The following EFCAB13 variants were observed in gnomAD, a reference collection of about 807,000 sequenced individuals.
EFCAB13 encodes the protein EF-hand calcium-binding domain-containing protein 13.
Under a neutral mutation model 110.2 loss-of-function variants are expected in EFCAB13, and 91 were observed. The ratio of observed to expected loss-of-function variants is 0.83; its 90% confidence interval spans 0.70 to 0.98. EFCAB13 has a LOEUF of 0.98. Ranked by LOEUF, EFCAB13 falls within the 50% of genes least tolerant of loss-of-function variation. The pLI, the probability that EFCAB13 is intolerant of heterozygous loss-of-function variation, is 0.00. For synonymous variants in EFCAB13, 323 were observed against 369.9 expected (o/e 0.87, Z 1.45); for missense variants, 968 against 1,119.4 (o/e 0.86, Z 1.93).
intron 16 of EFCAB13, among the ~76,000 whole-genome samples, chr17:47,395,496 A>G (rs2065732177): frequency 6.6e-6 from 1 of 152,228 alleles, no homozygotes; most frequent in South Asian, 2.1e-4. Flanking sequence ...AGGGAGAGAT[A>G]TAGAACAAAA....
intron 23 of EFCAB13, among the ~76,000 whole-genome samples, chr17:47,417,027 G>A (rs1055832417): frequency 3.3e-5 from 5 of 152,152 alleles, no homozygotes; most frequent in South Asian, 2.1e-4. Context: ...ACTGTTGAGT[G>A]GAAGCCTTAT....
intron 9 of EFCAB13, among the ~76,000 whole-genome samples, chr17:47,354,775 G>C (rs778306781): frequency 3.7e-4 from 56 of 152,142 alleles, no homozygotes; most frequent in African/African-American, 1.4e-3. Flanking sequence ...AGTGTCAAGT[G>C]AGTCTCTTGA....
At chr17:47,421,180 A>G (rs1904690928) in intron 23 of EFCAB13, among the ~76,000 whole-genome samples, 2 of 151,936 alleles carry the variant, frequency 1.3e-5, no homozygotes. Context: ...CATGATGACA[A>G]TGGCGGTTTT....
Position 47,440,477 on chromosome 17 carries a change from T to C in EFCAB13, c.2685T>C (p.Asp895=), listed in dbSNP as rs1905299016. 2.5e-6 allele frequency: 4 copies of C among 1,609,080 alleles called. No homozygotes were observed. The African/African-American group carries it at 4.0e-5, about 16-fold the overall frequency. The change falls in exon 25 of 25, where the codon GAT becomes GAC. Residue 895 remains aspartate, a synonymous_variant. Coordinates refer to ENST00000331493, the MANE Select transcript of EFCAB13 (RefSeq NM_152347.5). ...SIQEFMTKLS[D]ILTIPKAAGK... ...AAGAATTTATGACTAAATTATCCGA[T>C]ATATTGACAATTCCTAAAGCTGCAG...
intron 3 of EFCAB13, among the ~76,000 whole-genome samples, chr17:47,327,695 T>C (rs2065294740): frequency 6.6e-6 from 1 of 152,178 alleles, no homozygotes; most frequent in African/African-American, 2.4e-5. Context: ...GACCTCATGA[T>C]CCGCCCACCT....
At chr17:47,402,395 C>G (rs758256239) in intron 18 of EFCAB13, among the ~76,000 whole-genome samples, 192 bp downstream of exon 18, 4 of 152,152 alleles carry the variant, frequency 2.6e-5, no homozygotes, top group Non-Finnish European at 4.4e-5. Flanking sequence ...CAGAATGTAT[C>G]CTTCATTACT....
chr17:47,440,417 G>GCTTT lies in EFCAB13; in HGVS notation c.2639-13_2639-10dup. On this transcript the variant is annotated splice_polypyrimidine_tract_variant and intron_variant, in intron 24 of 24. Coordinates refer to ENST00000331493, the MANE Select transcript of EFCAB13 (RefSeq NM_152347.5). The stretch of plus-strand genomic sequence containing the variant: ...TAATTCTTTCTTTTAAGTAAATTAT[G>GCTTT]CTTTGCCTTACAGAAAGTGGCAAGG... 1 of 1,550,296 alleles carries GCTTT rather than the reference G, an allele frequency of 6.5e-7. No individual in the cohort carries two copies.
intron 6 of EFCAB13, 133 bp from the exon 7 acceptor site, chr17:47,344,029 A>G (rs2065400744): frequency 4.7e-6 from 5 of 1,068,388 alleles, no homozygotes; most frequent in Non-Finnish European, 6.4e-6. Flanking sequence ...ACAAAAGGCA[A>G]TTTTACACCA....
intron 23 of EFCAB13, among the ~76,000 whole-genome samples, chr17:47,424,335 G>C (rs1286928850): frequency 6.6e-6 from 1 of 152,242 alleles, no homozygotes; most frequent in African/African-American, 2.4e-5. Flanking sequence ...TGCGAGCGGG[G>C]AGAACGAGGT....
At position 47,335,255 on chromosome 17, in the gene EFCAB13, A is replaced by G; in HGVS notation, c.90A>G (p.Ser30=). ...CTAATTCTTTTGCAACTGACTTGTCATCAGGAACTATTAACCACAAGAAAT... is the reference window on the plus strand; with the variant it reads ...CTAATTCTTTTGCAACTGACTTGTCGTCAGGAACTATTAACCACAAGAAAT... ...DGSNSFATDL[S]SGTINHKKYI... The change falls in exon 5 of 25, where the codon TCA becomes TCG. Residue 30 remains serine, a synonymous_variant. Coordinates refer to ENST00000331493, the MANE Select transcript of EFCAB13 (RefSeq NM_152347.5). The G allele has an allele frequency of 6.2e-7, 1 of 1,611,668 alleles. No homozygotes were observed. Among genetic ancestry groups the G allele is most frequent in the Non-Finnish European group, 8.5e-7 (1 of 1,179,344 alleles).
rs1166043588 is a variant in EFCAB13 at position 47,429,738 on chromosome 17, C to A, written c.2495-80C>A. 2.1e-6 allele frequency: 3 copies of A among 1,434,646 alleles called. No individual in the cohort carries two copies. The African/African-American group carries it at 4.3e-5, about 20-fold the overall frequency. The allele number at this position is 1,434,646 out of a possible 1,614,324, so 88.9% of individuals were successfully genotyped here. A position where few individuals can be genotyped will look rare whatever the true frequency, so the allele number is the denominator to read the frequency against. ...AATCAGATCTTCATATTTTATGCAA[C>A]CTGAGGCTATTAAGTGATAACTAAT... On this transcript the variant is annotated intron_variant, in intron 23 of 24. Transcript: ENST00000331493.
chr17:47,335,373 G>T lies in EFCAB13; in HGVS notation c.191+17G>T. The T allele has an allele frequency of 1.3e-6, 2 of 1,565,940 alleles. No homozygotes were observed. The highest frequency in any genetic ancestry group is 2.4e-5 in the South Asian group (2 of 83,086). On this transcript the variant is annotated intron_variant, in intron 5 of 24. Coordinates refer to ENST00000331493, the MANE Select transcript of EFCAB13 (RefSeq NM_152347.5). ...TAAAAAAATGTAAGTTAAAAACTCTGAACTTACTTTATTGAATTATACTTT... is the reference window on the plus strand; with the variant it reads ...TAAAAAAATGTAAGTTAAAAACTCTTAACTTACTTTATTGAATTATACTTT...
rs554339916 is a variant in EFCAB13, at chr17:47,433,659, T to G, written c.2638+3698T>G. Among the ~76,000 whole-genome samples the G allele has an allele frequency of 1.8e-4, 27 of 152,282 alleles. No homozygotes were observed. The South Asian group carries it at 5.4e-3, about 30-fold the overall frequency. On this transcript the variant is annotated intron_variant, in intron 24 of 24. Coordinates refer to ENST00000331493, the MANE Select transcript of EFCAB13 (RefSeq NM_152347.5). ...TTCTAATGTTGATTTTCTACTTCCC[T>G]CATTCCTTCTACATTTTAAAATTAT...
At chr17:47,434,521 A>G (rs1230164674) in intron 24 of EFCAB13, among the ~76,000 whole-genome samples, 2 of 152,170 alleles carry the variant, frequency 1.3e-5, no homozygotes, top group African/African-American at 4.8e-5. Context: ...TACCATGATC[A>G]TTCTTCACAG....
At chr17:47,408,115 G>C (rs868689891) in intron 20 of EFCAB13, among the ~76,000 whole-genome samples, 2 of 152,176 alleles carry the variant, frequency 1.3e-5, no homozygotes, top group Non-Finnish European at 2.9e-5. Flanking sequence ...ATGTGTTTTA[G>C]AGAGGTCTTA....
chr17:47,431,697 A>C lies in EFCAB13; in HGVS notation c.2638+1736A>C, dbSNP rs1434362731. ...TTGATTTATTGACTATGATAATTTT[A>C]GTAAATATTTTATGTGATTGAGAAG... On this transcript the variant is annotated intron_variant, in intron 24 of 24. Transcript: ENST00000331493. This position sits in a 1 kb window ranked among gnomAD's most constrained non-coding sequence, Gnocchi z 4.1. Among the ~76,000 whole-genome samples, 1 of 152,190 alleles carries C rather than the reference A, an allele frequency of 6.6e-6. No individual in the cohort carries two copies. Among genetic ancestry groups the C allele is most frequent in the East Asian group, 1.9e-4 (1 of 5,206 alleles).
intron 17 of EFCAB13, 93 bp from the exon 18 acceptor site, chr17:47,402,039 G>A (rs1014431184): frequency 4.6e-6 from 4 of 862,350 alleles, no homozygotes; most frequent in Non-Finnish European, 3.9e-6. Context: ...ATTCTTAGGA[G>A]TGCATCAAAT....
In EFCAB13 at chr17:47,374,612, A is replaced by T. The variant is rs778466370; in HGVS notation, c.1018A>T (p.Lys340Ter). The T allele has an allele frequency of 8.7e-6, 14 of 1,603,104 alleles. No homozygotes were observed. Among genetic ancestry groups the T allele is most frequent in the Admixed American group, 3.5e-5 (2 of 57,316 alleles). Reference sequence around the variant, plus strand: ...ACCTTCAATATCCAAAAAGTTAAATAAAAAAAGCAACCAATATTATAGCAA... The same window carrying T: ...ACCTTCAATATCCAAAAAGTTAAATTAAAAAAGCAACCAATATTATAGCAA... ...PEPSISKKLN[K>*]KSNQYYSKIM... The change falls in exon 12 of 25, where the codon AAA becomes TAA. Residue 340 changes from lysine (K) to a stop codon, truncating the protein, a stop_gained. Transcript: ENST00000331493. LOFTEE classifies it high-confidence loss of function.
In EFCAB13 at chr17:47,429,756, T is replaced by TA. The variant is rs1175332468; in HGVS notation, c.2495-60dup. The TA allele has an allele frequency of 4.0e-5, 59 of 1,487,058 alleles. No individual in the cohort carries two copies. The Middle Eastern group carries it at 2.0e-3, about 49-fold the overall frequency. The allele number at this position is 1,487,058 out of a possible 1,614,324, so 92.1% of individuals were successfully genotyped here. A position where few individuals can be genotyped will look rare whatever the true frequency, so the allele number is the denominator to read the frequency against. On this transcript the variant is annotated intron_variant, in intron 23 of 24. Transcript: ENST00000331493. ...TATGCAACCTGAGGCTATTAAGTGA[T>TA]AACTAATAACATATGCTCTATTTCT...
Sources: allele counts gnomAD v4.1 joint callset (sites outside exome capture counted in the v4.1 genomes callset), GRCh38; gene constraint gnomAD v4.1.1; non-coding constraint Gnocchi (gnomAD v3.1); transcripts MANE v1.5; gene names NCBI Gene and HGNC (gene_info 2026-07-23, HGNC 2026-07-21).